The following CTNNA2 variants were observed in gnomAD, a reference collection of about 807,000 sequenced individuals.
CTNNA2 encodes catenin alpha 2.
A neutral mutation model predicts 101.0 loss-of-function variants in CTNNA2; 42 were observed. That is an observed-to-expected ratio of 0.42 (90% CI 0.32 to 0.54). CTNNA2 has a LOEUF of 0.54. CTNNA2 is among the 20% of genes least tolerant of loss of function. CTNNA2 has a pLI of 0.14. For synonymous variants in CTNNA2, 450 were observed against 456.4 expected, an observed-to-expected ratio of 0.99 and a Z score of 0.18; for missense variants, 871 against 1,223.1, an observed-to-expected ratio of 0.71 and a Z score of 4.29.
At chr2:79,316,130 G>C (rs567493326) in intron 3 of CTNNA2, among the ~76,000 whole-genome samples, 3 of 152,046 alleles carry the variant, frequency 2.0e-5, no homozygotes, top group Non-Finnish European at 4.4e-5. Flanking sequence ...TTTGGTGTGA[G>C]GAAGGTGTCC....
chr2:80,467,615 T>G (rs1684968352), intron 9 of CTNNA2, among the ~76,000 whole-genome samples: 1 of 152,188 alleles, frequency 6.6e-6, no homozygotes, highest in South Asian at 2.1e-4. Context: ...TGACTTGACA[T>G]TTCTTTCTTT....
intron 3 of CTNNA2, among the ~76,000 whole-genome samples, chr2:79,318,349 G>A (rs1197914996): frequency 1.3e-5 from 2 of 151,884 alleles, no homozygotes; most frequent in Non-Finnish European, 2.9e-5. Flanking sequence ...AATTTAGATG[G>A]GGAAAAGAAA....
chr2:79,259,114 G>A (rs914276148), intron 2 of CTNNA2, among the ~76,000 whole-genome samples: 4 of 152,056 alleles, frequency 2.6e-5, no homozygotes, highest in Non-Finnish European at 4.4e-5. Context: ...CTATTTCTAC[G>A]AAATCAGCTA....
chr2:79,407,721 C>T lies in CTNNA2; in HGVS notation c.-135+33708C>T, dbSNP rs1040725711. ...TAGTCAATGAATTTTCCAGGTATAC[C>T]GCAGACTGAAAGACAGCTTTCCACG... On this transcript the variant is annotated intron_variant, in intron 4 of 21. Coordinates refer to the CTNNA2 transcript ENST00000466387. Among the ~76,000 whole-genome samples, 4 of 151,768 alleles carry T rather than the reference C, an allele frequency of 2.6e-5. No homozygotes were observed. In the East Asian group the frequency reaches 5.8e-4, roughly 22 times the overall value.
At chr2:80,368,695 A>T (rs1352262486) in intron 7 of CTNNA2, among the ~76,000 whole-genome samples, 1 of 151,830 alleles carries the variant, frequency 6.6e-6, no homozygotes, top group African/African-American at 2.4e-5. Flanking sequence ...GCAAACTCCA[A>T]ATTTAGGGGC....
intron 9 of CTNNA2, among the ~76,000 whole-genome samples, chr2:80,541,449 A>G (rs919592728): frequency 6.6e-6 from 1 of 152,172 alleles, no homozygotes; most frequent in Non-Finnish European, 1.5e-5. Context: ...GTTTCCCCCT[A>G]CTAAGATTCT....
At chr2:80,428,762 A>C (rs1681216196) in intron 9 of CTNNA2, among the ~76,000 whole-genome samples, 1 of 152,188 alleles carries the variant, frequency 6.6e-6, no homozygotes, top group South Asian at 2.1e-4. Flanking sequence ...AATTGCATCA[A>C]CAACTATATT....
chr2:80,614,424 G>A (rs773432467), intron 17 of CTNNA2, among the ~76,000 whole-genome samples: 21 of 151,558 alleles, frequency 1.4e-4, no homozygotes, highest in Non-Finnish European at 2.5e-4. Flanking sequence ...AGGAGGATGT[G>A]TGTAGGTTTC....
At chr2:80,463,789 T>G (rs773533458) in intron 9 of CTNNA2, among the ~76,000 whole-genome samples, 8 of 152,144 alleles carry the variant, frequency 5.3e-5, no homozygotes, top group Admixed American at 2.6e-4. Context: ...CTAGTATATA[T>G]TTTCTAGGCA....
chr2:79,974,690 G>A (rs1423873736), intron 7 of CTNNA2, among the ~76,000 whole-genome samples: 2 of 152,252 alleles, frequency 1.3e-5, no homozygotes, highest in Admixed American at 1.3e-4. Flanking sequence ...CTAGGCAAAA[G>A]CTGAATGAAA....
intron 7 of CTNNA2, among the ~76,000 whole-genome samples, chr2:80,023,606 A>G (rs549937704): frequency 6.6e-6 from 1 of 152,330 alleles, no homozygotes; most frequent in African/African-American, 2.4e-5. Flanking sequence ...AATACTTCCT[A>G]ATAACATATA....
intron 7 of CTNNA2, among the ~76,000 whole-genome samples, chr2:80,295,654 G>A (rs1170250081): frequency 6.6e-6 from 1 of 152,162 alleles, no homozygotes; most frequent in Non-Finnish European, 1.5e-5. Context: ...ATACCTAGAA[G>A]AATCCTTCTA....
intron 4 of CTNNA2, among the ~76,000 whole-genome samples, chr2:79,439,906 T>A (rs1678758471): frequency 6.6e-6 from 1 of 152,180 alleles, no homozygotes; most frequent in Non-Finnish European, 1.5e-5. Context: ...TAGGCTGTCC[T>A]CATCCTGAAT....
chr2:79,448,058 G>A (rs1678852606), intron 4 of CTNNA2, among the ~76,000 whole-genome samples: 2 of 152,022 alleles, frequency 1.3e-5, no homozygotes, highest in Non-Finnish European at 2.9e-5. Flanking sequence ...AGTAGGCTAG[G>A]AGTGTTTCAG....
At chr2:80,341,285 G>A (rs1345738825) in intron 7 of CTNNA2, among the ~76,000 whole-genome samples, 3 of 152,086 alleles carry the variant, frequency 2.0e-5, no homozygotes. Context: ...TTTTAGTCAT[G>A]GTTTGGTCTT....
intron 7 of CTNNA2, among the ~76,000 whole-genome samples, chr2:80,141,147 G>A (rs1239036350): frequency 6.6e-6 from 1 of 152,082 alleles, no homozygotes; most frequent in Non-Finnish European, 1.5e-5. Context: ...GCAGGAGCCT[G>A]CCTCAGGAAG....
chr2:79,219,099 C>T (rs1010352097), intron 2 of CTNNA2, among the ~76,000 whole-genome samples: 1 of 152,072 alleles, frequency 6.6e-6, no homozygotes, highest in African/African-American at 2.4e-5. Context: ...GCCTTTACTT[C>T]CTCCTATTTT....
At chr2:80,384,594 A>G (rs763760399) in intron 7 of CTNNA2, among the ~76,000 whole-genome samples, 1 of 151,514 alleles carries the variant, frequency 6.6e-6, no homozygotes, top group East Asian at 1.9e-4. Flanking sequence ...CGAGATCTCC[A>G]CTGTGGTGAG....
chr2:80,413,392 G>A (rs75427830), intron 8 of CTNNA2, among the ~76,000 whole-genome samples: 2,771 of 152,230 alleles, frequency 0.018, 83 homozygotes, highest in African/African-American at 0.062. Flanking sequence ...AGAGAATTTC[G>A]TGTTTCTCGT....
Sources: gnomAD v4.1 joint callset for allele counts (sites outside exome capture counted in the v4.1 genomes callset) on GRCh38, gnomAD v4.1.1 for gene constraint, MANE v1.5 for transcripts, NCBI Gene and HGNC (gene_info 2026-07-23, HGNC 2026-07-21) for gene names.